Variants in LRRTM4 observed in about 807,000 individuals in gnomAD.
LRRTM4 encodes leucine rich repeat transmembrane neuronal 4.
LRRTM4 carries 25 observed loss-of-function variants against 47.6 expected under a neutral mutation model. The observed-to-expected ratio is 0.53, with a 90% CI of 0.38 to 0.73. The LOEUF is 0.73. LRRTM4 is among the 30% of genes least tolerant of loss of function. The pLI, the probability that LRRTM4 is intolerant of heterozygous loss-of-function variation, is 0.00. For missense variants in LRRTM4, 638 were observed against 713.4 expected (o/e 0.89, Z 1.20); for synonymous variants, 311 against 269.5 (o/e 1.15, Z -1.51).
chr2:76,873,533 T>TATATATAC (rs1174673622), intron 3 of LRRTM4, among the ~76,000 whole-genome samples: 12 of 145,188 alleles, frequency 8.3e-5, no homozygotes, highest in South Asian at 6.4e-4. Context: ...TATATATATA[T>TATATATAC]ACAACATAGT....
chr2:77,064,557 C>A (rs1026216006), intron 3 of LRRTM4, among the ~76,000 whole-genome samples: 5 of 152,184 alleles, frequency 3.3e-5, no homozygotes, highest in Admixed American at 3.3e-4. Flanking sequence ...CAGTTATCAG[C>A]TATCTTCTTC....
chr2:77,125,808 G>A (rs1281804240), intron 3 of LRRTM4, among the ~76,000 whole-genome samples: 2 of 151,792 alleles, frequency 1.3e-5, no homozygotes, highest in African/African-American at 4.8e-5. Flanking sequence ...TTCATTTGAA[G>A]TTAGTAACAG....
chr2:77,443,087 A>G (rs2103933817), intron 3 of LRRTM4, among the ~76,000 whole-genome samples: 1 of 152,268 alleles, frequency 6.6e-6, no homozygotes, highest in Middle Eastern at 3.4e-3. Context: ...TGTGGCTGAT[A>G]AAAGGGTCTC....
At chr2:76,968,324 A>G (rs1424779872) in intron 3 of LRRTM4, among the ~76,000 whole-genome samples, 3 of 139,470 alleles carry the variant, frequency 2.2e-5, no homozygotes, top group East Asian at 4.4e-4. Flanking sequence ...ATGTAAATAC[A>G]AAAGTGTGTA....
chr2:77,504,207 A>AT (rs534493695), intron 3 of LRRTM4, among the ~76,000 whole-genome samples: 13 of 151,512 alleles, frequency 8.6e-5, no homozygotes, highest in Admixed American at 4.0e-4. Context: ...GACTGCCACC[A>AT]TTTTTTTTGT....
At position 76,748,343 on chromosome 2, in the gene LRRTM4, A is replaced by C; in HGVS notation, c.*352T>G. The C allele has an allele frequency of 5.0e-6, 1 of 200,414 alleles. No homozygotes were observed. The highest frequency in any genetic ancestry group is 1.0e-5 in the Non-Finnish European group (1 of 97,622). The allele number at this position is 200,414 out of a possible 1,614,324, so 12.4% of individuals were successfully genotyped here. Reference sequence around the variant, plus strand: ...TTGCTCCCCTGTGGTTCTCCAGCCCAGGAACCATGCAGTGTAGAAAAATCA... The same window carrying C: ...TTGCTCCCCTGTGGTTCTCCAGCCCCGGAACCATGCAGTGTAGAAAAATCA... On this transcript the variant is annotated 3_prime_UTR_variant, in exon 4 of 4. Transcript: ENST00000409884.
chr2:77,022,389 T>G (rs562150838), intron 3 of LRRTM4, among the ~76,000 whole-genome samples: 1 of 152,050 alleles, frequency 6.6e-6, no homozygotes, highest in Admixed American at 6.5e-5. Flanking sequence ...TCCCATGTCC[T>G]TGAATTTCAA....
At chr2:77,095,090 T>C (rs1192726843) in intron 3 of LRRTM4, among the ~76,000 whole-genome samples, 1 of 152,060 alleles carries the variant, frequency 6.6e-6, no homozygotes, top group East Asian at 1.9e-4. Flanking sequence ...ATAACCTAAT[T>C]TAAAAGTGAG....
chr2:77,369,125 C>T (rs1303749610), intron 3 of LRRTM4, among the ~76,000 whole-genome samples: 2 of 151,574 alleles, frequency 1.3e-5, no homozygotes, highest in African/African-American at 4.8e-5. Context: ...TACCTGTTGG[C>T]CATTTTTACA....
Position 77,415,918 on chromosome 2 carries a change from G to C in LRRTM4, c.1551+102400C>G, listed in dbSNP as rs368752942. On this transcript the variant is annotated intron_variant, in intron 3 of 3. Coordinates refer to ENST00000409884, the MANE Select transcript of LRRTM4 (RefSeq NM_001134745.3). ...CACAAATGATTGTCATTGATTACAT[G>C]CTAGCTAACTTGCCAAATCCAAACA... Among the ~76,000 whole-genome samples the C allele has an allele frequency of 3.0e-4, 45 of 152,112 alleles. 1 individual carries two copies. In the East Asian group the frequency reaches 5.0e-3, roughly 17 times the overall value.
chr2:76,910,616 GAGCT>G (rs1460447068), intron 3 of LRRTM4, among the ~76,000 whole-genome samples: 1 of 152,110 alleles, frequency 6.6e-6, no homozygotes, highest in African/African-American at 2.4e-5. Flanking sequence ...TCCAAAAATA[GAGCT>G]AGTATTAAAT....
intron 3 of LRRTM4, among the ~76,000 whole-genome samples, chr2:77,073,177 G>T (rs1680218110): frequency 6.8e-6 from 1 of 147,366 alleles, no homozygotes; most frequent in Admixed American, 6.8e-5. Flanking sequence ...GTTCTTCAGT[G>T]TTTTTTTTTT....
chr2:77,078,893 C>A (rs1261799698), intron 3 of LRRTM4, among the ~76,000 whole-genome samples: 1 of 152,182 alleles, frequency 6.6e-6, no homozygotes, highest in East Asian at 1.9e-4. Context: ...GATCCAGACA[C>A]TGACAGATTC....
At chr2:77,349,527 C>G (rs1671684522) in intron 3 of LRRTM4, among the ~76,000 whole-genome samples, 1 of 151,888 alleles carries the variant, frequency 6.6e-6, no homozygotes, top group South Asian at 2.1e-4. Context: ...ATGAAGGTAA[C>G]TGTTAGAGTT....
At chr2:77,326,372 C>T (rs746505057) in intron 3 of LRRTM4, among the ~76,000 whole-genome samples, 36 of 152,114 alleles carry the variant, frequency 2.4e-4, no homozygotes, top group Non-Finnish European at 4.1e-4. Flanking sequence ...ATCTTTCTTC[C>T]CTTATACCTC....
chr2:76,900,466 G>A (rs904739756), intron 3 of LRRTM4, among the ~76,000 whole-genome samples: 2 of 151,968 alleles, frequency 1.3e-5, no homozygotes, highest in African/African-American at 4.8e-5. Context: ...ATATATTTAT[G>A]TTTTTATAAT....
intron 3 of LRRTM4, among the ~76,000 whole-genome samples, chr2:76,913,307 G>C (rs1330247736): frequency 6.7e-6 from 1 of 150,338 alleles, no homozygotes; most frequent in Non-Finnish European, 1.5e-5. Flanking sequence ...TTATTACTGG[G>C]TATTTTTTTT....
chr2:76,824,095 A>G (rs1517773), intron 3 of LRRTM4, among the ~76,000 whole-genome samples: 95,827 of 151,338 alleles, frequency 0.63, 32,037 homozygotes, highest in African/African-American at 0.83. Context: ...AAAACTCTTT[A>G]AGTTGTAGAT....
chr2:77,438,641 C>T (rs969576954), intron 3 of LRRTM4, among the ~76,000 whole-genome samples: 1 of 152,010 alleles, frequency 6.6e-6, no homozygotes, highest in South Asian at 2.1e-4. Flanking sequence ...CTCCTGACCT[C>T]GTGATCTGCC....
Sources: gnomAD v4.1 joint callset for allele counts (sites outside exome capture counted in the v4.1 genomes callset) on GRCh38, gnomAD v4.1.1 for gene constraint, MANE v1.5 for transcripts, NCBI Gene and HGNC (gene_info 2026-07-23, HGNC 2026-07-21) for gene names.